The following FHIT variants were observed in gnomAD, a reference collection of about 807,000 sequenced individuals.
The protein encoded by FHIT is bis(5'-adenosyl)-triphosphatase.
A neutral mutation model predicts 17.9 loss-of-function variants in FHIT; 19 were observed. The ratio of observed to expected loss-of-function variants is 1.06; its 90% CI spans 0.74 to 1.56. The LOEUF is 1.56. FHIT is among the 40% of genes most tolerant of loss of function. The probability of loss-of-function intolerance (pLI) is 0.00; values close to 1 mark genes in which losing one functional copy is unlikely to be tolerated. For missense variants in FHIT, 248 were observed against 189.2 expected (o/e 1.31, Z -1.82); for synonymous variants, 81 against 69.7 (o/e 1.16, Z -0.81).
intron 2 of FHIT, among the ~76,000 whole-genome samples, chr3:61,076,375 G>A (rs750351859): frequency 6.6e-6 from 1 of 152,156 alleles, no homozygotes; most frequent in African/African-American, 2.4e-5. Context: ...GAGCTATAAG[G>A]GCTGGTAAAA....
At chr3:61,043,247 C>T (rs2033612733) in intron 2 of FHIT, among the ~76,000 whole-genome samples, 3 of 152,156 alleles carry the variant, frequency 2.0e-5, no homozygotes, top group Non-Finnish European at 4.4e-5. Context: ...TCATAACAAC[C>T]CCACCCTAAT....
chr3:60,987,344 A>C (rs901653775), intron 3 of FHIT, among the ~76,000 whole-genome samples: 1 of 152,202 alleles, frequency 6.6e-6, no homozygotes, highest in Non-Finnish European at 1.5e-5. Flanking sequence ...TTAGGGAATG[A>C]GGGCAAGGAA....
At chr3:60,438,823 G>C (rs565438382) in intron 5 of FHIT, among the ~76,000 whole-genome samples, 2 of 152,044 alleles carry the variant, frequency 1.3e-5, no homozygotes, top group Admixed American at 1.3e-4. Flanking sequence ...GTGGTACCCA[G>C]AACACCAAAA....
chr3:60,327,488 T>C (rs1383134997), intron 5 of FHIT, among the ~76,000 whole-genome samples: 3 of 152,206 alleles, frequency 2.0e-5, no homozygotes, highest in African/African-American at 7.2e-5. Flanking sequence ...TAACAAAACA[T>C]TATTTACAAA....
At chr3:60,359,354 C>T (rs1252559457) in intron 5 of FHIT, among the ~76,000 whole-genome samples, 1 of 140,492 alleles carries the variant, frequency 7.1e-6, no homozygotes, top group Admixed American at 7.6e-5. Flanking sequence ...GATCTTGGCT[C>T]AATGCAACCT....
At chr3:60,038,109 T>C (rs1421360614) in intron 5 of FHIT, among the ~76,000 whole-genome samples, 1 of 152,224 alleles carries the variant, frequency 6.6e-6, no homozygotes, top group African/African-American at 2.4e-5. Flanking sequence ...TTTTCTATTT[T>C]AATAGCTGAT....
chr3:60,732,293 G>T, intron 4 of FHIT: 1 of 944,198 alleles, frequency 1.1e-6, no homozygotes. Flanking sequence ...TCTTGGCAGG[G>T]CACATGAAAA....
At chr3:60,699,197 G>A (rs1716720) in intron 4 of FHIT, among the ~76,000 whole-genome samples, 146,390 of 152,250 alleles carry the variant, frequency 0.96, 70,453 homozygotes, top group East Asian at 1. Context: ...TTCCACTACT[G>A]TAAACAAAAT....
At chr3:59,985,933 T>TC (rs749128898) in intron 7 of FHIT, among the ~76,000 whole-genome samples, 4 of 148,994 alleles carry the variant, frequency 2.7e-5, no homozygotes, top group African/African-American at 5.0e-5. Flanking sequence ...AGTACTATAC[T>TC]CCCCTCTCAC....
At chr3:60,321,860 G>A (rs1297948704) in intron 5 of FHIT, among the ~76,000 whole-genome samples, 1 of 152,176 alleles carries the variant, frequency 6.6e-6, no homozygotes, top group African/African-American at 2.4e-5. Context: ...GGTAGAAGGG[G>A]CAAGGAAGCT....
intron 2 of FHIT, among the ~76,000 whole-genome samples, chr3:61,042,753 T>C (rs1017493810): frequency 2.0e-5 from 3 of 151,780 alleles, no homozygotes; most frequent in East Asian, 1.9e-4. Flanking sequence ...GGCAGGAGAA[T>C]TGCTTGAACT....
chr3:61,166,641 T>A (rs1420314164), intron 2 of FHIT, among the ~76,000 whole-genome samples: 1 of 152,214 alleles, frequency 6.6e-6, no homozygotes, highest in African/African-American at 2.4e-5. Context: ...TCAACACCAA[T>A]CTTTCTAAAA....
intron 4 of FHIT, 148 bp from the exon 5 acceptor site, chr3:60,537,127 A>T (rs2036013214): frequency 3.0e-6 from 2 of 662,594 alleles, no homozygotes; most frequent in African/African-American, 3.7e-5. Flanking sequence ...GTTCACCAAG[A>T]TGCATTCTGG....
chr3:59,912,643 C>T (rs968660081), intron 8 of FHIT, among the ~76,000 whole-genome samples: 8 of 152,196 alleles, frequency 5.3e-5, no homozygotes, highest in Non-Finnish European at 1.5e-5. Flanking sequence ...GTGCAATGTT[C>T]TTTCAATAAC....
chr3:60,417,085 T>A (rs1229286344), intron 5 of FHIT, among the ~76,000 whole-genome samples: 3 of 143,644 alleles, frequency 2.1e-5, no homozygotes, highest in Non-Finnish European at 3.0e-5. Context: ...GGAGACTCCA[T>A]CTCAGAAAGA....
At chr3:60,339,994 G>A (rs1710436440) in intron 5 of FHIT, among the ~76,000 whole-genome samples, 1 of 152,046 alleles carries the variant, frequency 6.6e-6, no homozygotes, top group South Asian at 2.1e-4. Context: ...GACACCTCTG[G>A]TTTGATTTTA....
intron 3 of FHIT, among the ~76,000 whole-genome samples, chr3:61,001,534 T>C (rs2031082363): frequency 6.6e-6 from 1 of 152,184 alleles, no homozygotes; most frequent in African/African-American, 2.4e-5. Context: ...TTATGCTAAG[T>C]AAAAATTAAA....
intron 2 of FHIT, among the ~76,000 whole-genome samples, chr3:61,081,382 G>C (rs1397789885): frequency 6.6e-6 from 1 of 152,160 alleles, no homozygotes; most frequent in Admixed American, 6.5e-5. Flanking sequence ...ATTCCTAACT[G>C]GTCAAGGAGA....
chr3:60,586,576 G>T (rs1453517297), intron 4 of FHIT, among the ~76,000 whole-genome samples: 1 of 151,924 alleles, frequency 6.6e-6, no homozygotes, highest in African/African-American at 2.4e-5. Context: ...CAAAAGCAAA[G>T]ACATGGAATC....
Sources: gnomAD v4.1 joint callset for allele counts (sites outside exome capture counted in the v4.1 genomes callset) on GRCh38, gnomAD v4.1.1 for gene constraint, MANE v1.5 for transcripts, NCBI Gene and HGNC (gene_info 2026-07-23, HGNC 2026-07-21) for gene names.